Variants in GALNT10 observed in about 807,000 individuals in gnomAD.
GALNT10 encodes GalNAc transferase 10.
In GALNT10, 41 loss-of-function variants were observed where a neutral mutation model predicts 75.0. The ratio of observed to expected loss-of-function variants is 0.55; its 90% CI spans 0.43 to 0.71. GALNT10 has a LOEUF of 0.71. Ranked by LOEUF, GALNT10 falls within the 30% of genes least tolerant of loss-of-function variation. The pLI is 0.00. For synonymous variants in GALNT10, 302 were observed against 313.0 expected, an observed-to-expected ratio of 0.96 and a Z score of 0.37; for missense variants, 727 against 818.5, an observed-to-expected ratio of 0.89 and a Z score of 1.36.
chr5:154,381,616 C>T (rs1347118784), intron 6 of GALNT10, among the ~76,000 whole-genome samples: 2 of 152,212 alleles, frequency 1.3e-5, no homozygotes, highest in Non-Finnish European at 2.9e-5. Context: ...TGAAATGAGT[C>T]TTACTGGGCT....
chr5:154,415,858 A>G lies in GALNT10; in HGVS notation c.1579A>G (p.Ile527Val). Residue 527 changes from isoleucine to valine, a missense_variant, in exon 11 of 12, where the codon ATT becomes GTT. Ile to Val is a conservative substitution (Grantham distance 29, BLOSUM62 3). Transcript: ENST00000297107. ...QHTKKFCFDA[I>V]SHTSPVTLYD... ...CACCAAGAAGTTCTGCTTTGATGCC[A>G]TTTCCCACACCAGCCCTGTCACGCT... 3 of 1,614,120 alleles carry G rather than the reference A, an allele frequency of 1.9e-6. No individual in the cohort carries two copies. Among genetic ancestry groups the G allele is most frequent in the Non-Finnish European group, 2.5e-6 (3 of 1,180,012 alleles).
chr5:154,231,597 T>C (rs552078927), intron 1 of GALNT10, among the ~76,000 whole-genome samples: 1 of 152,322 alleles, frequency 6.6e-6, no homozygotes, highest in African/African-American at 2.4e-5. Context: ...TCCTGTTAAC[T>C]ATCAAGTGCC....
intron 7 of GALNT10, among the ~76,000 whole-genome samples, chr5:154,391,859 C>T (rs898588324): frequency 9.5e-4 from 107 of 112,814 alleles, no homozygotes; most frequent in African/African-American, 4.1e-3. Flanking sequence ...TCCTCAGCAG[C>T]CCATGGAAGG....
chr5:154,412,844 C>A lies in GALNT10; in HGVS notation c.1387-45C>A. 1 of 1,386,564 alleles carries A rather than the reference C, an allele frequency of 7.2e-7. No homozygotes were observed. The highest frequency in any genetic ancestry group is 1.0e-6 in the Non-Finnish European group (1 of 973,754). 85.9% of individuals were successfully genotyped at this position (1,386,564 alleles called of 1,614,324 possible). The stretch of plus-strand genomic sequence containing the variant: ...CACCTGGCAGGGACCCGGTGGGCAC[C>A]TTAAGGCACCTCAGTGGTCCACTTC... On this transcript the variant is annotated intron_variant, in intron 9 of 11. Transcript: ENST00000297107. This position sits in a 1 kb window ranked among gnomAD's most constrained non-coding sequence, Gnocchi z 4.2.
intron 1 of GALNT10, among the ~76,000 whole-genome samples, chr5:154,201,656 C>T (rs978371469): frequency 4.6e-5 from 7 of 152,108 alleles, no homozygotes; most frequent in Non-Finnish European, 8.8e-5. Flanking sequence ...ACAGGCCAGG[C>T]GTGGTGGCTC....
intron 1 of GALNT10, among the ~76,000 whole-genome samples, chr5:154,293,611 A>ATTTTTTTT (rs912343114): frequency 2.1e-5 from 2 of 96,704 alleles, no homozygotes; most frequent in Non-Finnish European, 4.6e-5. Context: ...ATATATATAT[A>ATTTTTTTT]TATTTTTTTT....
chr5:154,294,812 TA>T lies in GALNT10; in HGVS notation c.160-2del. On this transcript the variant is annotated splice_polypyrimidine_tract_variant and splice_region_variant and intron_variant, in intron 1 of 11. Transcript: ENST00000297107. ...ATTTTTCATAGTTTTTGTCTTTTTT[TA>T]AGGGCTCACACAGTCGACAAAAGAA... 6.6e-7 allele frequency: 1 copy of T among 1,520,202 alleles called. No individual in the cohort carries two copies. Among genetic ancestry groups the T allele is most frequent in the Non-Finnish European group, 9.1e-7 (1 of 1,094,992 alleles). The allele number at this position is 1,520,202 out of a possible 1,614,324, so 94.2% of individuals were successfully genotyped here.
chr5:154,213,594 C>T (rs1224272278), intron 1 of GALNT10, among the ~76,000 whole-genome samples: 2 of 152,022 alleles, frequency 1.3e-5, no homozygotes, highest in Non-Finnish European at 2.9e-5. Flanking sequence ...AAGTCTATGC[C>T]GTGGGGTTAT....
chr5:154,190,953 G>C lies in GALNT10; in HGVS notation c.87G>C (p.Ala29=). Residue 29 remains alanine, a synonymous_variant, in exon 1 of 12, where the codon GCG becomes GCC. Transcript: ENST00000297107. ...LVLLPNVGLW[A]LYRERQPDGT... is the part of the protein sequence containing the mutation. ...TCCTGCCCAACGTGGGGCTTTGGGC[G>C]CTGTACCGCGAGCGGCAGCCCGACG... 5 of 1,509,572 alleles carry C rather than the reference G, an allele frequency of 3.3e-6. No individual in the cohort carries two copies. The highest frequency in any genetic ancestry group is 3.5e-6 in the Non-Finnish European group (4 of 1,131,012). The allele number at this position is 1,509,572 out of a possible 1,614,324, so 93.5% of individuals were successfully genotyped here. A position where few individuals can be genotyped will look rare whatever the true frequency, so the allele number is the denominator to read the frequency against.
intron 4 of GALNT10, among the ~76,000 whole-genome samples, chr5:154,371,915 C>T (rs531230240): frequency 6.6e-6 from 1 of 152,288 alleles, no homozygotes; most frequent in African/African-American, 2.4e-5. Context: ...CCCCTGGGCT[C>T]TTCTCTTACA....
chr5:154,250,813 A>C (rs1201066034), intron 1 of GALNT10, among the ~76,000 whole-genome samples: 1 of 152,044 alleles, frequency 6.6e-6, no homozygotes, highest in African/African-American at 2.4e-5. Flanking sequence ...CTTAGTTTTT[A>C]TTTTCTCCCA....
chr5:154,349,003 A>C lies in GALNT10; in HGVS notation c.568+19265A>C, dbSNP rs1237955403. On this transcript the variant is annotated intron_variant, in intron 4 of 11. Transcript: ENST00000297107. ...TATTAGTTTTTCAAGTATTATCTAAAGTACGGGTTAAATAGATCCTAAGGG... is the reference window on the plus strand; with the variant it reads ...TATTAGTTTTTCAAGTATTATCTAACGTACGGGTTAAATAGATCCTAAGGG... Among the ~76,000 whole-genome samples, 4 of 152,260 alleles carry C rather than the reference A, an allele frequency of 2.6e-5. No homozygotes were observed. In the East Asian group the frequency reaches 7.7e-4, roughly 29 times the overall value.
chr5:154,371,565 C>CGTGTGT (rs1581996762), intron 4 of GALNT10, among the ~76,000 whole-genome samples: 1 of 47,442 alleles, frequency 2.1e-5, no homozygotes, highest in Admixed American at 1.8e-4. Flanking sequence ...TGTGTGTGTA[C>CGTGTGT]ACACACACAC....
chr5:154,191,393 T>A (rs1312660080), intron 1 of GALNT10, among the ~76,000 whole-genome samples: 1 of 151,710 alleles, frequency 6.6e-6, no homozygotes, highest in African/African-American at 2.4e-5. Context: ...AGATTCTGGT[T>A]CTTCTATTTG....
chr5:154,415,939 T>A lies in GALNT10; in HGVS notation c.1653+7T>A. 6.2e-7 allele frequency: 1 copy of A among 1,613,346 alleles called. No individual in the cohort carries two copies. The highest frequency in any genetic ancestry group is 1.1e-5 in the South Asian group (1 of 91,066). ...GCTGTGGAAATACCGCAAAGTAAGA[T>A]GGGATGCGGGGGGAGCAGGGCACCT... On this transcript the variant is annotated splice_region_variant and intron_variant, in intron 11 of 11. Transcript: ENST00000297107.
chr5:154,415,947 G>T lies in GALNT10; in HGVS notation c.1653+15G>T, dbSNP rs367619452. The T allele has an allele frequency of 1.2e-6, 2 of 1,611,128 alleles. No individual in the cohort carries two copies. The highest frequency in any genetic ancestry group is 2.2e-5 in the South Asian group (2 of 90,934). ...AATACCGCAAAGTAAGATGGGATGCGGGGGGAGCAGGGCACCTGCTTAATT... is the reference window on the plus strand; with the variant it reads ...AATACCGCAAAGTAAGATGGGATGCTGGGGGAGCAGGGCACCTGCTTAATT... On this transcript the variant is annotated intron_variant, in intron 11 of 11. Transcript: ENST00000297107.
rs1401869596 is a variant in GALNT10 at position 154,409,684 on chromosome 5, G to A, written c.1308G>A (p.Lys436=). The A allele has an allele frequency of 6.2e-7, 1 of 1,614,092 alleles. No homozygotes were observed. The highest frequency in any genetic ancestry group is 8.5e-7 in the Non-Finnish European group (1 of 1,180,036). The change falls in exon 9 of 12, where the codon AAG becomes AAA. Residue 436 remains lysine (K), a synonymous_variant. Transcript: ENST00000297107. The surrounding 1 kb of genome is among the most constrained non-coding windows in gnomAD (Gnocchi z 4.5). ...GCTCCCTTAACTGCAAGAGTTTCAA[G>A]TGGTTTATGACGAAGATAGCCTGGG... The part of the protein sequence containing the change: ...LRSSLNCKSF[K]WFMTKIAWDL...
rs1465448209 is a variant in GALNT10 at position 154,329,715 on chromosome 5, T to A, written c.545T>A (p.Leu182Gln). 4 of 1,613,606 alleles carry A rather than the reference T, an allele frequency of 2.5e-6. No individual in the cohort carries two copies. The change falls in exon 4 of 12, where the codon CTG (leucine) becomes CAG (glutamine). Residue 182 changes from leucine to glutamine, a missense_variant. Physicochemically the swap from Leu to Gln is moderately radical, Grantham distance 113. Transcript: ENST00000297107. ...CCAGAGCTGGTCGCCGAGATTGTAC[T>A]GGTCGACGACTTCAGTGATCGAGGT... ...SPPELVAEIV[L>Q]VDDFSDREHL...
intron 5 of GALNT10, among the ~76,000 whole-genome samples, chr5:154,379,822 G>A (rs1019003178): frequency 6.6e-6 from 1 of 152,188 alleles, no homozygotes; most frequent in Non-Finnish European, 1.5e-5. Flanking sequence ...CCAGTCTTGA[G>A]GAACTCAAAC....
Sources: gnomAD v4.1 joint callset for allele counts (sites outside exome capture counted in the v4.1 genomes callset) on GRCh38, gnomAD v4.1.1 for gene constraint, Gnocchi (gnomAD v3.1) non-coding constraint, MANE v1.5 for transcripts, NCBI Gene and HGNC (gene_info 2026-07-23, HGNC 2026-07-21) for gene names.